The following SYN3 variants were observed in gnomAD, a reference collection of about 807,000 sequenced individuals.
The protein encoded by SYN3 is synapsin-3.
Under a neutral mutation model 65.8 loss-of-function variants are expected in SYN3, and 35 were observed. That is an observed-to-expected ratio of 0.53 (90% CI 0.41 to 0.70). SYN3 has a LOEUF of 0.70. Ranked by LOEUF, SYN3 falls within the 30% of genes least tolerant of loss-of-function variation. SYN3 has a pLI of 0.00. For synonymous variants in SYN3, 270 were observed against 292.9 expected (o/e 0.92, Z 0.80); for missense variants, 680 against 749.0 (o/e 0.91, Z 1.08).
At chr22:32,658,290 C>T (rs1490429804) in intron 6 of SYN3, among the ~76,000 whole-genome samples, 1 of 152,236 alleles carries the variant, frequency 6.6e-6, no homozygotes, top group African/African-American at 2.4e-5. Context: ...GTAGGCTGTG[C>T]TGGCAGCACC....
intron 2 of SYN3, among the ~76,000 whole-genome samples, chr22:33,003,440 TG>T (rs1411732666): frequency 6.6e-6 from 1 of 152,108 alleles, no homozygotes; most frequent in African/African-American, 2.4e-5. Context: ...ATTCTGATGG[TG>T]ATATGGATAA....
At chr22:32,845,781 G>C (rs975168931) in intron 6 of SYN3, among the ~76,000 whole-genome samples, 3 of 152,314 alleles carry the variant, frequency 2.0e-5, no homozygotes, top group South Asian at 2.1e-4. Flanking sequence ...CATGCTGCCA[G>C]TTACCAGTTT....
intron 4 of SYN3, among the ~76,000 whole-genome samples, chr22:32,896,566 C>G (rs2049599139): frequency 6.6e-6 from 1 of 152,194 alleles, no homozygotes; most frequent in Non-Finnish European, 1.5e-5. Flanking sequence ...GATGATAAAA[C>G]TATAATAATA....
In SYN3 at chr22:32,648,050, G is replaced by A. The variant is rs1406549999; in HGVS notation, c.712-51314C>T. ...TTAGAAAAGTTTTTGTAGGGATTGG[G>A]GGGGTGTCTCACCACATTGCCTAGA... is the stretch of plus-strand genomic sequence containing the variant. On this transcript the variant is annotated intron_variant, in intron 6 of 13. Transcript: ENST00000358763. 2.0e-5 allele frequency among the ~76,000 whole-genome samples: 3 copies of A among 152,024 alleles called. No individual in the cohort carries two copies. In the East Asian group the frequency reaches 5.8e-4, roughly 29 times the overall value.
intron 4 of SYN3, among the ~76,000 whole-genome samples, chr22:32,874,379 T>C (rs1041776637): frequency 2.6e-5 from 4 of 152,180 alleles, no homozygotes; most frequent in African/African-American, 4.8e-5. Flanking sequence ...TTCTCAGAAG[T>C]GGCTGTTGGC....
At chr22:32,648,873 C>A (rs1340184620) in intron 6 of SYN3, among the ~76,000 whole-genome samples, 1 of 152,156 alleles carries the variant, frequency 6.6e-6, no homozygotes, top group African/African-American at 2.4e-5. Context: ...AGTCATTGGC[C>A]ACTCATACCA....
intron 11 of SYN3, 147 bp downstream of exon 11, chr22:32,528,727 T>C: frequency 8.8e-7 from 1 of 1,138,654 alleles, no homozygotes; most frequent in South Asian, 1.6e-5. Flanking sequence ...CTCTCCCCAA[T>C]GTCTGGCCTT....
chr22:32,521,548 G>A (rs889773068), intron 12 of SYN3, among the ~76,000 whole-genome samples: 4 of 147,850 alleles, frequency 2.7e-5, no homozygotes, highest in African/African-American at 1.0e-4. Context: ...CCTGGGTTAA[G>A]AGATTCTCCT....
At position 33,015,992 on chromosome 22, in the gene SYN3, G is replaced by A. The variant is rs184100655; in HGVS notation, c.-162-9168C>T. ...AAAGTAGCTGGGATTACAGGCGCCC[G>A]CCACCACGCCCAGCTAATTTTTTTT... On this transcript the variant is annotated intron_variant, in intron 1 of 13. Coordinates refer to ENST00000358763, the MANE Select transcript of SYN3 (RefSeq NM_003490.4). Among the ~76,000 whole-genome samples the A allele has an allele frequency of 1.0e-3, 155 of 151,914 alleles. 4 individuals carry two copies. The East Asian group carries it at 0.028, about 27-fold the overall frequency.
intron 3 of SYN3, among the ~76,000 whole-genome samples, chr22:32,948,846 T>G (rs2051196176): frequency 1.3e-5 from 2 of 149,886 alleles, no homozygotes; most frequent in African/African-American, 4.9e-5. Flanking sequence ...TTGGAAACAT[T>G]TTTTCATTAA....
intron 7 of SYN3, among the ~76,000 whole-genome samples, chr22:32,545,827 T>C (rs2058329168): frequency 6.6e-6 from 1 of 152,228 alleles, no homozygotes; most frequent in East Asian, 1.9e-4. Flanking sequence ...TCCTAAAATG[T>C]TGGGATTACA....
chr22:32,736,593 G>A (rs5754240), intron 6 of SYN3, among the ~76,000 whole-genome samples: 51,810 of 151,826 alleles, frequency 0.34, 8,920 homozygotes, highest in South Asian at 0.46. Flanking sequence ...CTGAGGCTCA[G>A]GAATGATAAT....
rs577019510 is a variant in SYN3, at chr22:32,945,432, A to C, written c.370-13951T>G. Among the ~76,000 whole-genome samples the C allele has an allele frequency of 1.6e-4, 24 of 152,160 alleles. No homozygotes were observed. In the South Asian group the frequency reaches 4.8e-3, roughly 30 times the overall value. ...CTTTGACAAACCTGACAAAAACAAG[A>C]AATGGGGAAAGGATTCCCTATTTAA... On this transcript the variant is annotated intron_variant, in intron 3 of 13. Coordinates refer to ENST00000358763, the MANE Select transcript of SYN3 (RefSeq NM_003490.4).
Position 32,864,953 on chromosome 22 carries a change from G to T in SYN3, c.673C>A (p.Leu225Ile), listed in dbSNP as rs1348178900. ...FHSLGPEKFPLVEQTFFPNHK... is the reference protein window; with the variant it reads ...FHSLGPEKFPIVEQTFFPNHK... ...TTGGGGAAAAATGTTTGCTCCACAA[G>T]CGGGAACTTCTCAGGACCCAGGGAA... Residue 225 changes from leucine to isoleucine, a missense_variant, in exon 6 of 14, where the codon CTT becomes ATT. By Grantham distance (5) the Leu-to-Ile change is conservative (BLOSUM62 2). Transcript: ENST00000358763. 1 of 1,614,142 alleles carries T rather than the reference G, an allele frequency of 6.2e-7. No homozygotes were observed. Among genetic ancestry groups the T allele is most frequent in the Admixed American group, 1.7e-5 (1 of 60,024 alleles).
Position 32,541,444 on chromosome 22 carries a change from A to G in SYN3, c.917+127T>C, listed in dbSNP as rs142547526. ...GCCCCTCAGCCACACTGGACAGAGAAGAAGGGCAGTAAGGAGACAGGAAGG... is the reference window on the plus strand; with the variant it reads ...GCCCCTCAGCCACACTGGACAGAGAGGAAGGGCAGTAAGGAGACAGGAAGG... On this transcript the variant is annotated intron_variant, in intron 8 of 13. Transcript: ENST00000358763. 6.4e-4 allele frequency: 764 copies of G among 1,196,448 alleles called. 1 individual carries two copies. Among genetic ancestry groups the G allele is most frequent in the African/African-American group, 4.8e-3 (321 of 66,280 alleles). The allele number at this position is 1,196,448 out of a possible 1,614,324, so 74.1% of individuals were successfully genotyped here. A position where few individuals can be genotyped will look rare whatever the true frequency, so the allele number is the denominator to read the frequency against.
intron 7 of SYN3, among the ~76,000 whole-genome samples, chr22:32,573,482 T>C (rs1041955479): frequency 5.3e-5 from 8 of 152,200 alleles, no homozygotes; most frequent in Non-Finnish European, 7.3e-5. Flanking sequence ...CTGAGGCTAA[T>C]ATAGGACTGA....
chr22:32,938,792 G>T (rs896425000), intron 3 of SYN3, among the ~76,000 whole-genome samples: 5 of 152,076 alleles, frequency 3.3e-5, no homozygotes, highest in African/African-American at 9.7e-5. Flanking sequence ...ACAAGGTGTG[G>T]TGGCACGCAC....
intron 4 of SYN3, among the ~76,000 whole-genome samples, chr22:32,878,269 T>C (rs1275048934): frequency 6.6e-6 from 1 of 152,154 alleles, no homozygotes; most frequent in Non-Finnish European, 1.5e-5. Flanking sequence ...TGGGCGTATG[T>C]CACCCTGAAG....
chr22:32,849,613 G>A, intron 6 of SYN3: 2 of 1,288,824 alleles, frequency 1.6e-6, no homozygotes, highest in Non-Finnish European at 2.2e-6. Flanking sequence ...GAGGCAAAGT[G>A]GGTTGGAACT....
Sources: gnomAD v4.1 joint callset for allele counts (sites outside exome capture counted in the v4.1 genomes callset) on GRCh38, gnomAD v4.1.1 for gene constraint, MANE v1.5 for transcripts, NCBI Gene and HGNC (gene_info 2026-07-23, HGNC 2026-07-21) for gene names.